The following STT3B variants were observed in gnomAD, a reference collection of about 807,000 sequenced individuals.
STT3B encodes the protein STT3 oligosaccharyltransferase complex catalytic subunit B, also known as dolichyl-diphosphooligosaccharide--protein glycosyltransferase subunit STT3B.
A neutral mutation model predicts 96.8 loss-of-function variants in STT3B; 29 were observed. The ratio of observed to expected loss-of-function variants is 0.30; its 90% CI spans 0.22 to 0.41. STT3B has a LOEUF of 0.41. Among genes scored for constraint, STT3B ranks in the 10% least tolerant of loss-of-function variants. STT3B has a pLI of 1.00. For missense variants in STT3B, 640 were observed against 1,022.3 expected, an observed-to-expected ratio of 0.63 and a Z score of 5.10; for synonymous variants, 367 against 360.0, an observed-to-expected ratio of 1.02 and a Z score of -0.22.
intron 3 of STT3B, among the ~76,000 whole-genome samples, chr3:31,594,773 C>T (rs1698748372): frequency 6.6e-6 from 1 of 152,120 alleles, no homozygotes; most frequent in Non-Finnish European, 1.5e-5. Context: ...CTCAAGGAAA[C>T]ACTTAGTTCA....
In STT3B at chr3:31,533,028, G is replaced by C; in HGVS notation, c.30G>C (p.Lys10Asn). MAEPSAPES[K>N]HKSSLNSSPW... ...CGGAGCCCTCGGCCCCGGAGAGCAAGCACAAGTCGTCCCTCAACTCGTCCC... is the reference window on the plus strand; with the variant it reads ...CGGAGCCCTCGGCCCCGGAGAGCAACCACAAGTCGTCCCTCAACTCGTCCC... Residue 10 changes from lysine (K) to asparagine (N), a missense_variant, in exon 1 of 16, where the codon AAG becomes AAC. By Grantham distance (94) the Lys-to-Asn change is moderately conservative. Coordinates refer to ENST00000295770, the MANE Select transcript of STT3B (RefSeq NM_178862.3). 6.3e-7 allele frequency: 1 copy of C among 1,588,710 alleles called. No homozygotes were observed. Among genetic ancestry groups the C allele is most frequent in the Non-Finnish European group, 8.6e-7 (1 of 1,169,002 alleles).
At chr3:31,570,647 C>T (rs1698113798) in intron 1 of STT3B, among the ~76,000 whole-genome samples, 1 of 152,030 alleles carries the variant, frequency 6.6e-6, no homozygotes, top group Non-Finnish European at 1.5e-5. Flanking sequence ...TATGGTCAAT[C>T]CAAGTACCTT....
At chr3:31,609,415 A>G (rs1699134463) in intron 5 of STT3B, among the ~76,000 whole-genome samples, 1 of 152,194 alleles carries the variant, frequency 6.6e-6, no homozygotes, top group Non-Finnish European at 1.5e-5. Flanking sequence ...CACACCACAC[A>G]TACAGTACCT....
In STT3B at chr3:31,565,562, T is replaced by G. The variant is rs570219638; in HGVS notation, c.315-10834T>G. Among the ~76,000 whole-genome samples, 34 of 152,248 alleles carry G rather than the reference T, an allele frequency of 2.2e-4. No individual in the cohort carries two copies. The South Asian group carries it at 4.6e-3, about 20-fold the overall frequency. ...AGTTCAGTTATCTGAAGATTGACAG[T>G]GGTTGAATTGGTTAATATAAGAAGT... is the stretch of plus-strand genomic sequence containing the variant. On this transcript the variant is annotated intron_variant, in intron 1 of 15. Coordinates refer to ENST00000295770, the MANE Select transcript of STT3B (RefSeq NM_178862.3).
chr3:31,573,461 A>G (rs1287666341), intron 1 of STT3B, among the ~76,000 whole-genome samples: 2 of 152,170 alleles, frequency 1.3e-5, no homozygotes, highest in African/African-American at 4.8e-5. Flanking sequence ...AGAATAAGAA[A>G]ATAGTATACA....
intron 15 of STT3B, among the ~76,000 whole-genome samples, chr3:31,634,065 T>C (rs1455159418): frequency 1.3e-5 from 2 of 152,220 alleles, no homozygotes; most frequent in East Asian, 3.8e-4. Flanking sequence ...CGGTGTGATA[T>C]GTAAATGGAA....
intron 1 of STT3B, among the ~76,000 whole-genome samples, chr3:31,549,986 AT>A (rs928908277): frequency 2.0e-5 from 3 of 151,662 alleles, no homozygotes; most frequent in South Asian, 2.1e-4. Context: ...TTTTTTTCAG[AT>A]TTTTTTAGTG....
At position 31,532,976 on chromosome 3, in the gene STT3B, T is replaced by C; in HGVS notation, c.-23T>C. 6.3e-7 allele frequency: 1 copy of C among 1,577,328 alleles called. No individual in the cohort carries two copies. Among genetic ancestry groups the C allele is most frequent in the South Asian group, 1.1e-5 (1 of 88,324 alleles). ...GGCGGCGGCGGCGGAGGAGGAGAGC[T>C]AGACCCGCCGCCGGGGCACAACATG... On this transcript the variant is annotated 5_prime_UTR_variant, in exon 1 of 16. Coordinates refer to ENST00000295770, the MANE Select transcript of STT3B (RefSeq NM_178862.3).
rs559449629 is a variant in STT3B, at chr3:31,547,571, T to C, written c.314+14259T>C. On this transcript the variant is annotated intron_variant, in intron 1 of 15. Coordinates refer to ENST00000295770, the MANE Select transcript of STT3B (RefSeq NM_178862.3). ...TGAGTCACAATAATTGCATGAACCC[T>C]GGAGGCGGAAGTTGCAGTGAGCTGA... Among the ~76,000 whole-genome samples, 7 of 152,250 alleles carry C rather than the reference T, an allele frequency of 4.6e-5. No individual in the cohort carries two copies. The South Asian group carries it at 1.5e-3, about 32-fold the overall frequency.
chr3:31,634,848 A>G (rs9817781), intron 15 of STT3B, among the ~76,000 whole-genome samples: 14,867 of 152,142 alleles, frequency 0.098, 783 homozygotes, highest in South Asian at 0.11. Flanking sequence ...AAACTACTAG[A>G]TCTGGTTTGA....
In STT3B at chr3:31,615,126, T is replaced by C. The variant is rs1175408016; in HGVS notation, c.899T>C (p.Val300Ala). The C allele has an allele frequency of 6.2e-7, 1 of 1,609,178 alleles. No individual in the cohort carries two copies. The highest frequency in any genetic ancestry group is 1.7e-5 in the Admixed American group (1 of 59,682). Residue 300 changes from valine (V) to alanine (A), a missense_variant, in exon 6 of 16, where the codon GTG becomes GCG. Physicochemically the swap from Val to Ala is moderately conservative, Grantham distance 64 (BLOSUM62 0). Transcript: ENST00000295770. ...VYIAYSTFYIVGLILSMQIPF... is the reference protein window; with the variant it reads ...VYIAYSTFYIAGLILSMQIPF... ...ATAGCATATAGCACTTTCTACATTG[T>C]GGGTTTAATATTATCAATGCAGATA...
At chr3:31,599,072 G>C (rs1007246044) in intron 4 of STT3B, among the ~76,000 whole-genome samples, 1 of 152,122 alleles carries the variant, frequency 6.6e-6, no homozygotes, top group Non-Finnish European at 1.5e-5. Flanking sequence ...GCCTCCCAAA[G>C]TGCTGGGATT....
rs150548929 is a variant in STT3B at position 31,623,024 on chromosome 3, G to T, written c.1540-650G>T. Among the ~76,000 whole-genome samples the T allele has an allele frequency of 3.2e-4, 48 of 152,236 alleles. 1 individual carries two copies. Among genetic ancestry groups the T allele is most frequent in the Middle Eastern group, 6.8e-3 (2 of 294 alleles). ...TAAGATGAATGTAATTCATAAAGAT[G>T]TGTGTTAATAAACCCACATTCCTGA... On this transcript the variant is annotated intron_variant, in intron 10 of 15. Transcript: ENST00000295770.
chr3:31,541,043 G>T (rs1337453308), intron 1 of STT3B, among the ~76,000 whole-genome samples: 2 of 152,128 alleles, frequency 1.3e-5, no homozygotes, highest in African/African-American at 4.8e-5. Flanking sequence ...ATGGAGTACA[G>T]AACTATGGGA....
intron 3 of STT3B, among the ~76,000 whole-genome samples, chr3:31,584,995 A>T (rs1047410391): frequency 6.6e-6 from 1 of 152,174 alleles, no homozygotes; most frequent in African/African-American, 2.4e-5. Flanking sequence ...AAAAGGTGAA[A>T]ACATTTTTTG....
chr3:31,575,637 G>A (rs1698247411), intron 1 of STT3B, among the ~76,000 whole-genome samples: 1 of 151,956 alleles, frequency 6.6e-6, no homozygotes, highest in Non-Finnish European at 1.5e-5. Flanking sequence ...GCATCGTTCT[G>A]CTTCTTGACT....
intron 1 of STT3B, among the ~76,000 whole-genome samples, chr3:31,536,796 T>C (rs1170484276): frequency 6.6e-6 from 1 of 152,256 alleles, no homozygotes; most frequent in African/African-American, 2.4e-5. Flanking sequence ...ATATTGTCTG[T>C]ACTTGCCAAA....
chr3:31,538,101 A>G (rs936674896), intron 1 of STT3B, among the ~76,000 whole-genome samples: 1 of 152,156 alleles, frequency 6.6e-6, no homozygotes, highest in East Asian at 1.9e-4. Context: ...AGAAAGTTGA[A>G]TTTTATAGTG....
chr3:31,534,571 G>A (rs1329953377), intron 1 of STT3B, among the ~76,000 whole-genome samples: 1 of 152,112 alleles, frequency 6.6e-6, no homozygotes, highest in Non-Finnish European at 1.5e-5. Flanking sequence ...TTTTTTGAGA[G>A]TTACTAACTA....
Sources: allele counts gnomAD v4.1 joint callset (sites outside exome capture counted in the v4.1 genomes callset), GRCh38; gene constraint gnomAD v4.1.1; transcripts MANE v1.5; gene names NCBI Gene and HGNC (gene_info 2026-07-23, HGNC 2026-07-21).